ITGA11: variants seen among roughly 807,000 people sequenced by gnomAD.
The protein encoded by ITGA11 is integrin alpha-11.
In ITGA11, 97 loss-of-function variants were observed where a neutral mutation model predicts 141.9. That is an observed-to-expected ratio of 0.68 (90% CI 0.58 to 0.81). The LOEUF is 0.81. ITGA11 is among the 30% of genes least tolerant of loss of function. ITGA11 has a pLI of 0.00. For synonymous variants in ITGA11, 658 were observed against 624.6 expected (o/e 1.05, Z -0.80); for missense variants, 1,387 against 1,559.2 (o/e 0.89, Z 1.86).
chr15:68,390,661 C>A (rs1044860831), intron 2 of ITGA11, among the ~76,000 whole-genome samples: 1 of 152,188 alleles, frequency 6.6e-6, no homozygotes, highest in Non-Finnish European at 1.5e-5. Context: ...CAGAGGGAGC[C>A]TCTCAATCAA....
At chr15:68,352,367 A>AT (rs1184829533) in intron 7 of ITGA11, among the ~76,000 whole-genome samples, 1 of 151,718 alleles carries the variant, frequency 6.6e-6, no homozygotes, top group African/African-American at 2.4e-5. Flanking sequence ...TAATTTTTGT[A>AT]TTTTTAATAG....
chr15:68,323,782 G>C (rs1368429728), intron 18 of ITGA11, among the ~76,000 whole-genome samples: 1 of 152,146 alleles, frequency 6.6e-6, no homozygotes, highest in Non-Finnish European at 1.5e-5. Flanking sequence ...ATCCTGCCTA[G>C]CCTTTAAAGT....
chr15:68,390,702 C>T (rs1896098588), intron 2 of ITGA11, among the ~76,000 whole-genome samples: 2 of 152,184 alleles, frequency 1.3e-5, no homozygotes, highest in African/African-American at 4.8e-5. Flanking sequence ...ACTCAATCCT[C>T]GTTTCCTGTT....
At chr15:68,407,023 C>T (rs1165860972) in intron 1 of ITGA11, among the ~76,000 whole-genome samples, 1 of 152,138 alleles carries the variant, frequency 6.6e-6, no homozygotes, top group African/African-American at 2.4e-5. Context: ...TGTTCTCTTC[C>T]CTCCCTAGAT....
rs7169698 is a variant in ITGA11 at position 68,332,160 on chromosome 15, T to C, written c.1567-98A>G. ...GGCTGCTCCGGCATCCTCTCACCAC[T>C]CCATTCCCCAGAACCCCGTCTCTGG... On this transcript the variant is annotated intron_variant, in intron 13 of 29. Coordinates refer to ENST00000315757, the MANE Select transcript of ITGA11 (RefSeq NM_001004439.2). 8.6e-4 allele frequency: 1,086 copies of C among 1,263,672 alleles called. 11 individuals carry two copies. In the African/African-American group the frequency reaches 0.014, roughly 16 times the overall value. The allele number at this position is 1,263,672 out of a possible 1,614,324, so 78.3% of individuals were successfully genotyped here.
chr15:68,393,752 C>T (rs1253898179), intron 2 of ITGA11, among the ~76,000 whole-genome samples: 1 of 152,020 alleles, frequency 6.6e-6, no homozygotes, highest in Non-Finnish European at 1.5e-5. Flanking sequence ...AAAATTATCT[C>T]AAATGAGAGC....
Position 68,322,797 on chromosome 15 carries a change from G to A in ITGA11, c.2323-1294C>T, listed in dbSNP as rs927408910. On this transcript the variant is annotated intron_variant, in intron 18 of 29. Transcript: ENST00000315757. The surrounding 1 kb of genome is among the most constrained non-coding windows in gnomAD (Gnocchi z 5.6). ...AATTGCTTGAACTCAGGCAGAGGCT[G>A]CAGTGGGCCAAGATCGTGCCACTAC... is the stretch of plus-strand genomic sequence containing the variant. Among the ~76,000 whole-genome samples the A allele has an allele frequency of 6.6e-6, 1 of 151,722 alleles. No homozygotes were observed. Among genetic ancestry groups the A allele is most frequent in the East Asian group, 1.9e-4 (1 of 5,160 alleles).
intron 28 of ITGA11, among the ~76,000 whole-genome samples, chr15:68,306,693 G>T (rs1893208917): frequency 6.6e-6 from 1 of 152,212 alleles, no homozygotes; most frequent in Non-Finnish European, 1.5e-5. Context: ...ATTGGTTTTT[G>T]TTGGATTGTT....
chr15:68,365,099 G>T, intron 3 of ITGA11: 1 of 970,088 alleles, frequency 1.0e-6, no homozygotes, highest in Non-Finnish European at 1.2e-6. Flanking sequence ...CCATCCGACT[G>T]GAGCCCCACT....
At chr15:68,387,017 C>T (rs899759689) in intron 2 of ITGA11, among the ~76,000 whole-genome samples, 140 of 150,742 alleles carry the variant, frequency 9.3e-4, no homozygotes, top group African/African-American at 3.1e-3. Context: ...GAAGGAAGAA[C>T]GAGAAGGGAT....
chr15:68,365,092 T>C (rs1353199046), intron 3 of ITGA11: 15 of 949,868 alleles, frequency 1.6e-5, no homozygotes, highest in Admixed American at 6.2e-5. Context: ...CCTCCAGCCA[T>C]CCGACTGGAG....
At chr15:68,385,225 A>T (rs1895956025) in intron 2 of ITGA11, among the ~76,000 whole-genome samples, 1 of 152,196 alleles carries the variant, frequency 6.6e-6, no homozygotes, top group Non-Finnish European at 1.5e-5. Context: ...CAGTTCTGTG[A>T]TTTCGAAGCC....
chr15:68,318,730 G>C (rs764253079), intron 20 of ITGA11, among the ~76,000 whole-genome samples: 3 of 152,124 alleles, frequency 2.0e-5, no homozygotes, highest in Non-Finnish European at 4.4e-5. Context: ...GCAAGCAAGG[G>C]GGGGGCACTT....
chr15:68,351,721 AC>A (rs1894916768), intron 7 of ITGA11, among the ~76,000 whole-genome samples: 1 of 150,912 alleles, frequency 6.6e-6, no homozygotes, highest in South Asian at 2.1e-4. Context: ...GCAAGTGGCA[AC>A]CTTTAGAGGC....
intron 2 of ITGA11, among the ~76,000 whole-genome samples, chr15:68,383,761 C>T (rs1335255158): frequency 2.6e-5 from 4 of 152,194 alleles, no homozygotes; most frequent in Non-Finnish European, 4.4e-5. Flanking sequence ...TTATTCTCCA[C>T]CTCATGTGGA....
rs1893117091 is a variant in ITGA11 at position 68,304,143 on chromosome 15, C to A, written c.3382-258G>T. 6.6e-6 allele frequency among the ~76,000 whole-genome samples: 1 copy of A among 152,204 alleles called. No individual in the cohort carries two copies. Among genetic ancestry groups the A allele is most frequent in the Admixed American group, 6.5e-5 (1 of 15,284 alleles). The stretch of plus-strand genomic sequence containing the variant: ...CTTGCTGCCTTTGGCCTCAGGCCCC[C>A]GCCACTCCCTGGATCCTCCTCCCAC... On this transcript the variant is annotated intron_variant, in intron 28 of 29. Transcript: ENST00000315757. The surrounding 1 kb of genome is among the most constrained non-coding windows in gnomAD (Gnocchi z 6.1).
chr15:68,348,553 G>C (rs971228430), intron 10 of ITGA11, among the ~76,000 whole-genome samples: 2 of 152,220 alleles, frequency 1.3e-5, no homozygotes, highest in African/African-American at 4.8e-5. Context: ...CTATTTCTCT[G>C]CTGTCCTACA....
intron 5 of ITGA11, among the ~76,000 whole-genome samples, chr15:68,359,852 A>AT (rs1473352023): frequency 1.3e-5 from 2 of 152,186 alleles, no homozygotes; most frequent in African/African-American, 4.8e-5. Context: ...GGCATTGCTC[A>AT]TTTTTATTGG....
At chr15:68,319,127 G>A (rs947306151) in intron 20 of ITGA11, among the ~76,000 whole-genome samples, 1 of 152,248 alleles carries the variant, frequency 6.6e-6, no homozygotes, top group Non-Finnish European at 1.5e-5. Flanking sequence ...ATACCCCAGA[G>A]AGCAGGGCTG....
Sources: gnomAD v4.1 joint callset for allele counts (sites outside exome capture counted in the v4.1 genomes callset) on GRCh38, gnomAD v4.1.1 for gene constraint, Gnocchi (gnomAD v3.1) non-coding constraint, MANE v1.5 for transcripts, NCBI Gene and HGNC (gene_info 2026-07-23, HGNC 2026-07-21) for gene names.